Variants in MYO1B observed in about 807,000 individuals in gnomAD.
The protein encoded by MYO1B is myosin IB.
Under a neutral mutation model 159.7 loss-of-function variants are expected in MYO1B, and 72 were observed. The ratio of observed to expected loss-of-function variants is 0.45; its 90% CI spans 0.37 to 0.55. The LOEUF (loss-of-function observed/expected upper bound fraction) is 0.55. Ranked by LOEUF, MYO1B falls within the 20% of genes least tolerant of loss-of-function variation. The pLI, the probability that MYO1B is intolerant of heterozygous loss-of-function variation, is 0.00. For synonymous variants in MYO1B, 468 were observed against 473.8 expected (o/e 0.99, Z 0.16); for missense variants, 1,062 against 1,364.8 (o/e 0.78, Z 3.50).
At chr2:191,419,545 G>A (rs187463448) in intron 30 of MYO1B, among the ~76,000 whole-genome samples, 2 of 152,256 alleles carry the variant, frequency 1.3e-5, no homozygotes, top group Non-Finnish European at 2.9e-5. Flanking sequence ...CTTTATTTTA[G>A]CGTGTATGCC....
At chr2:191,327,130 G>A (rs1420464993) in intron 3 of MYO1B, among the ~76,000 whole-genome samples, 1 of 152,094 alleles carries the variant, frequency 6.6e-6, no homozygotes, top group Non-Finnish European at 1.5e-5. Flanking sequence ...CTACATGAAG[G>A]TCATAGAAGA....
chr2:191,319,533 C>T (rs1690567493), intron 3 of MYO1B, among the ~76,000 whole-genome samples: 2 of 152,132 alleles, frequency 1.3e-5, no homozygotes, highest in African/African-American at 4.8e-5. Context: ...ATTTGAAAGT[C>T]TAGAGGAAGG....
chr2:191,396,763 T>C (rs1395666932), intron 21 of MYO1B, among the ~76,000 whole-genome samples: 5 of 152,206 alleles, frequency 3.3e-5, no homozygotes, highest in Non-Finnish European at 5.9e-5. Context: ...ATGATTTCAG[T>C]ATCCCTTTGC....
At chr2:191,342,853 A>T (rs1208755450) in intron 5 of MYO1B, among the ~76,000 whole-genome samples, 1 of 152,092 alleles carries the variant, frequency 6.6e-6, no homozygotes, top group Non-Finnish European at 1.5e-5. Flanking sequence ...TCTCAAACAA[A>T]CAAAGAAAAA....
At chr2:191,296,259 T>G in intron 3 of MYO1B, 33 bp downstream of exon 3, 2 of 1,333,224 alleles carry the variant, frequency 1.5e-6, no homozygotes, top group Non-Finnish European at 2.1e-6. Flanking sequence ...AAGTTTCTCT[T>G]TTACTCCAGA....
intron 4 of MYO1B, among the ~76,000 whole-genome samples, chr2:191,331,299 A>C (rs1691457322): frequency 6.8e-6 from 1 of 148,146 alleles, no homozygotes; most frequent in African/African-American, 2.7e-5. Context: ...GATTTTAGTT[A>C]TAAACCACCT....
At chr2:191,416,374 TA>T in intron 30 of MYO1B, 132 bp downstream of exon 30, 1 of 1,089,006 alleles carries the variant, frequency 9.2e-7, no homozygotes, top group Non-Finnish European at 1.3e-6. Flanking sequence ...TTCCACATGA[TA>T]AATGGGCAGT....
rs900785485 is a variant in MYO1B, at chr2:191,245,624, G to A, written c.-12G>A. Reference sequence around the variant, plus strand: ...GGCGCCCGGCGAGGTAGCGCCAGGCGAGGTAGCGCGAGCGCTTTCTCTCTC... The same window carrying A: ...GGCGCCCGGCGAGGTAGCGCCAGGCAAGGTAGCGCGAGCGCTTTCTCTCTC... On this transcript the variant is annotated splice_region_variant and 5_prime_UTR_variant, in exon 1 of 31. Coordinates refer to ENST00000392318, the MANE Select transcript of MYO1B (RefSeq NM_001130158.3). 3 of 152,142 alleles carry A rather than the reference G, an allele frequency of 2.0e-5. No homozygotes were observed. Among genetic ancestry groups the A allele is most frequent in the Non-Finnish European group, 2.9e-5 (2 of 68,030 alleles). The allele number at this position is 152,142 out of a possible 1,614,324, so 9.4% of individuals were successfully genotyped here.
At chr2:191,368,156 G>A (rs1694129923) in intron 11 of MYO1B, among the ~76,000 whole-genome samples, 1 of 152,204 alleles carries the variant, frequency 6.6e-6, no homozygotes, top group South Asian at 2.1e-4. Context: ...CCAGGGAAGT[G>A]AATCTGTTAT....
intron 5 of MYO1B, among the ~76,000 whole-genome samples, chr2:191,342,630 T>G (rs1309877137): frequency 6.6e-6 from 1 of 152,174 alleles, no homozygotes; most frequent in Non-Finnish European, 1.5e-5. Context: ...GTGGATCACT[T>G]GAGGCCAGGA....
chr2:191,360,624 T>C lies in MYO1B; in HGVS notation c.563-7T>C. The C allele has an allele frequency of 6.3e-7, 1 of 1,584,108 alleles. No individual in the cohort carries two copies. The highest frequency in any genetic ancestry group is 8.6e-7 in the Non-Finnish European group (1 of 1,156,530). On this transcript the variant is annotated splice_polypyrimidine_tract_variant and splice_region_variant and intron_variant, in intron 7 of 30. Coordinates refer to ENST00000392318, the MANE Select transcript of MYO1B (RefSeq NM_001130158.3). ...ATGCCATACTATGATTTAACTCTTC[T>C]CTTTAGATCTTTTAGAGAAATCTCG...
At chr2:191,252,767 A>C (rs1313177223) in intron 1 of MYO1B, among the ~76,000 whole-genome samples, 1 of 152,134 alleles carries the variant, frequency 6.6e-6, no homozygotes, top group African/African-American at 2.4e-5. Flanking sequence ...TCGAAATCTA[A>C]ATTTATTACC....
At position 191,390,460 on chromosome 2, in the gene MYO1B, A is replaced by G. The variant is rs751814539; in HGVS notation, c.1950A>G (p.Lys650=). The G allele has an allele frequency of 3.1e-6, 5 of 1,614,218 alleles. No individual in the cohort carries two copies. The highest frequency in any genetic ancestry group is 4.2e-6 in the Non-Finnish European group (5 of 1,180,034). The stretch of plus-strand genomic sequence containing the variant: ...TAGAAAGATACAAAATGCTTTGTAA[A>G]CAAACATGGCCTCATTGGAAAGGAC... ...PCLERYKMLC[K]QTWPHWKGPA... is the part of the protein sequence containing the mutation. The change falls in exon 18 of 31, where the codon AAA becomes AAG. Residue 650 remains lysine (K), a synonymous_variant. Coordinates refer to ENST00000392318, the MANE Select transcript of MYO1B (RefSeq NM_001130158.3).
intron 3 of MYO1B, among the ~76,000 whole-genome samples, chr2:191,323,778 T>C (rs747104179): frequency 6.6e-6 from 1 of 152,194 alleles, no homozygotes; most frequent in Non-Finnish European, 1.5e-5. Context: ...ATCTTGATGA[T>C]ATTATTTTTG....
At position 191,346,178 on chromosome 2, in the gene MYO1B, C is replaced by A. The variant is rs557484537; in HGVS notation, c.452-58C>A. 98 of 1,292,746 alleles carry A rather than the reference C, an allele frequency of 7.6e-5. 3 individuals are homozygous for A. Among genetic ancestry groups the A allele is most frequent in the South Asian group, 7.3e-4 (53 of 72,992 alleles). The allele number at this position is 1,292,746 out of a possible 1,614,324, so 80.1% of individuals were successfully genotyped here. ...ATTTCAAATACTGTATTTGCTTTAT[C>A]TTTCTGCTTGAGATTATTATTATTT... On this transcript the variant is annotated intron_variant, in intron 5 of 30. Transcript: ENST00000392318.
At chr2:191,397,503 T>C (rs1336016209) in intron 21 of MYO1B, among the ~76,000 whole-genome samples, 1 of 152,048 alleles carries the variant, frequency 6.6e-6, no homozygotes, top group Non-Finnish European at 1.5e-5. Flanking sequence ...GAGCACAGGG[T>C]TAGGGATAAG....
chr2:191,246,006 G>A (rs541582472), intron 1 of MYO1B: 1 of 152,478 alleles, frequency 6.6e-6, no homozygotes, highest in African/African-American at 2.4e-5. Flanking sequence ...TGGCCCCCTG[G>A]AAAGACACGG....
chr2:191,399,148 C>T lies in MYO1B; in HGVS notation c.2296-1234C>T, dbSNP rs575551814. ...AGGCGTGGCGGCACGCACCTGCAAT[C>T]GCAGGCACTCGGCAGGCTGAGGCAG... On this transcript the variant is annotated intron_variant, in intron 21 of 30. Transcript: ENST00000392318. 3.8e-3 allele frequency among the ~76,000 whole-genome samples: 580 copies of T among 152,046 alleles called. 1 individual carries two copies. Among genetic ancestry groups the T allele is most frequent in the African/African-American group, 0.013 (542 of 41,490 alleles).
intron 2 of MYO1B, among the ~76,000 whole-genome samples, chr2:191,283,249 C>T (rs1205264503): frequency 6.6e-6 from 1 of 152,154 alleles, no homozygotes; most frequent in Non-Finnish European, 1.5e-5. Flanking sequence ...CATGGAGGCA[C>T]TGTATAGGGC....
Sources: allele counts gnomAD v4.1 joint callset (sites outside exome capture counted in the v4.1 genomes callset), GRCh38; gene constraint gnomAD v4.1.1; transcripts MANE v1.5; gene names NCBI Gene and HGNC (gene_info 2026-07-23, HGNC 2026-07-21).